The following TAX1BP1 variants were observed in gnomAD, a reference collection of about 807,000 sequenced individuals.
TAX1BP1 encodes Tax1 binding protein 1, also known as tax1-binding protein 1.
A neutral mutation model predicts 97.7 loss-of-function variants in TAX1BP1; 62 were observed. That is an observed-to-expected ratio of 0.63 (90% CI 0.52 to 0.78). The LOEUF (loss-of-function observed/expected upper bound fraction) is 0.78. Ranked by LOEUF, TAX1BP1 falls within the 30% of genes least tolerant of loss-of-function variation. The pLI, the probability that TAX1BP1 is intolerant of heterozygous loss-of-function variation, is 0.00. For missense variants in TAX1BP1, 867 were observed against 916.1 expected, an observed-to-expected ratio of 0.95 and a Z score of 0.69; for synonymous variants, 340 against 304.2, an observed-to-expected ratio of 1.12 and a Z score of -1.23.
intron 15 of TAX1BP1, among the ~76,000 whole-genome samples, chr7:27,825,268 T>G (rs906725001): frequency 3.3e-5 from 5 of 151,972 alleles, no homozygotes; most frequent in Non-Finnish European, 7.4e-5. Context: ...GTCGGCCTGC[T>G]TTAAAAGCTT....
intron 7 of TAX1BP1, among the ~76,000 whole-genome samples, chr7:27,786,368 G>A (rs1327623117): frequency 3.9e-5 from 6 of 151,956 alleles, no homozygotes; most frequent in African/African-American, 9.7e-5. Context: ...CTCCTGACCC[G>A]CCTCAGCCTC....
chr7:27,741,224 C>A (rs376206820), intron 1 of TAX1BP1, among the ~76,000 whole-genome samples: 2 of 152,124 alleles, frequency 1.3e-5, no homozygotes, highest in South Asian at 4.1e-4. Context: ...GAGCTGTGCA[C>A]GAACAATTAA....
intron 15 of TAX1BP1, among the ~76,000 whole-genome samples, chr7:27,824,941 G>A (rs768843188): frequency 3.0e-4 from 45 of 152,244 alleles, no homozygotes; most frequent in African/African-American, 1.0e-3. Flanking sequence ...AATACTAGGT[G>A]GTGATATTTT....
chr7:27,764,400 C>CATG (rs2128311009), intron 3 of TAX1BP1, among the ~76,000 whole-genome samples: 1 of 152,246 alleles, frequency 6.6e-6, no homozygotes, highest in South Asian at 2.1e-4. Context: ...GATGTTTTCT[C>CATG]ATGATTAGAT....
intron 13 of TAX1BP1, among the ~76,000 whole-genome samples, chr7:27,804,518 G>A (rs553683599): frequency 6.6e-6 from 1 of 152,294 alleles, no homozygotes; most frequent in African/African-American, 2.4e-5. Context: ...GACCCCTCAG[G>A]TTAAGGCTCA....
intron 3 of TAX1BP1, among the ~76,000 whole-genome samples, chr7:27,764,880 C>T (rs933225035): frequency 1.3e-5 from 2 of 149,712 alleles, no homozygotes; most frequent in Non-Finnish European, 3.0e-5. Context: ...TGGAGCTTTT[C>T]AAGTGGGCTC....
chr7:27,746,258 C>T (rs1419622301), intron 1 of TAX1BP1, among the ~76,000 whole-genome samples: 1 of 152,076 alleles, frequency 6.6e-6, no homozygotes, highest in Non-Finnish European at 1.5e-5. Flanking sequence ...ACTATTCACT[C>T]ACTTCATAGA....
rs771496756 is a variant in TAX1BP1 at position 27,785,411 on chromosome 7, A to G, written c.774A>G (p.Lys258=). The stretch of plus-strand genomic sequence containing the variant: ...ATACCTATCTTAGTTTAAAGGACAA[A>G]CTCAAGAAGGCACAACATGAAAGAG... ...KETELDSLKD[K]LKKAQHEREQ... is the part of the protein sequence containing the mutation. The change falls in exon 7 of 17, where the codon AAA becomes AAG. Residue 258 remains lysine (K), a synonymous_variant. Transcript: ENST00000396319. 3.7e-6 allele frequency: 6 copies of G among 1,611,936 alleles called. No homozygotes were observed. The highest frequency in any genetic ancestry group is 5.1e-6 in the Non-Finnish European group (6 of 1,179,376).
At chr7:27,787,842 A>G (rs989344110) in intron 8 of TAX1BP1, among the ~76,000 whole-genome samples, 17 of 152,004 alleles carry the variant, frequency 1.1e-4, no homozygotes, top group Non-Finnish European at 1.5e-4. Flanking sequence ...AAGTATTACG[A>G]TAATTTACTC....
In TAX1BP1 at chr7:27,774,973, AAAG is replaced by A. The variant is rs541257462; in HGVS notation, c.612+5143_612+5145del. Among the ~76,000 whole-genome samples the A allele has an allele frequency of 2.2e-3, 336 of 152,260 alleles. 1 individual carries two copies. Among genetic ancestry groups the A allele is most frequent in the African/African-American group, 7.8e-3 (323 of 41,564 alleles). ...GCATGTTTTGATTGAAAACCAGAAAAAAGAAGTTTAATACCTTTTAAATTATGT... is the reference window on the plus strand; with the variant it reads ...GCATGTTTTGATTGAAAACCAGAAAAAAGTTTAATACCTTTTAAATTATGT... On this transcript the variant is annotated intron_variant, in intron 5 of 16. Transcript: ENST00000396319.
At chr7:27,775,539 C>T (rs2128313751) in intron 5 of TAX1BP1, among the ~76,000 whole-genome samples, 1 of 152,234 alleles carries the variant, frequency 6.6e-6, no homozygotes, top group Non-Finnish European at 1.5e-5. Flanking sequence ...CCAGAGTTCT[C>T]TTCTCTGTAA....
intron 15 of TAX1BP1, among the ~76,000 whole-genome samples, chr7:27,818,630 G>C (rs986843595): frequency 6.6e-6 from 1 of 152,024 alleles, no homozygotes; most frequent in African/African-American, 2.4e-5. Flanking sequence ...CAGAAACTGT[G>C]GTCAATTGTC....
chr7:27,771,130 T>TA (rs1788831965), intron 5 of TAX1BP1, among the ~76,000 whole-genome samples: 1 of 120,670 alleles, frequency 8.3e-6, no homozygotes, highest in Non-Finnish European at 1.8e-5. Flanking sequence ...TTTTTTTTTT[T>TA]ACTCATTTGT....
chr7:27,776,484 TTG>T (rs1239592119), intron 5 of TAX1BP1, among the ~76,000 whole-genome samples: 2 of 152,170 alleles, frequency 1.3e-5, no homozygotes, highest in African/African-American at 4.8e-5. Flanking sequence ...CTCACGTTTA[TTG>T]TTTTTGATGA....
At chr7:27,784,695 GA>G (rs1330889427) in intron 5 of TAX1BP1, among the ~76,000 whole-genome samples, 1 of 152,074 alleles carries the variant, frequency 6.6e-6, no homozygotes, top group African/African-American at 2.4e-5. Flanking sequence ...AAGGTGGGGG[GA>G]AAATGTATAT....
chr7:27,809,570 A>G (rs960404930), intron 13 of TAX1BP1, among the ~76,000 whole-genome samples: 1 of 152,178 alleles, frequency 6.6e-6, no homozygotes, highest in African/African-American at 2.4e-5. Flanking sequence ...CTGATTTGCA[A>G]AAGAACCTAA....
chr7:27,749,376 G>A (rs1787941509), intron 2 of TAX1BP1, among the ~76,000 whole-genome samples: 1 of 152,200 alleles, frequency 6.6e-6, no homozygotes, highest in South Asian at 2.1e-4. Flanking sequence ...TGTCACGAAT[G>A]TCCAAACAGT....
chr7:27,744,181 A>C (rs547362265), intron 1 of TAX1BP1, among the ~76,000 whole-genome samples: 2 of 152,082 alleles, frequency 1.3e-5, no homozygotes, highest in East Asian at 3.9e-4. Context: ...CTGGAGTGCA[A>C]TGGCGTGATC....
intron 1 of TAX1BP1, among the ~76,000 whole-genome samples, chr7:27,748,274 G>T (rs1787899363): frequency 1.3e-5 from 2 of 152,012 alleles, no homozygotes; most frequent in Admixed American, 6.6e-5. Flanking sequence ...TTTGGTTTTG[G>T]TTTTTTAACT....
Sources: allele counts gnomAD v4.1 joint callset (sites outside exome capture counted in the v4.1 genomes callset), GRCh38; gene constraint gnomAD v4.1.1; transcripts MANE v1.5; gene names NCBI Gene and HGNC (gene_info 2026-07-23, HGNC 2026-07-21).